FER1L6: variants seen among roughly 807,000 people sequenced by gnomAD.
FER1L6 encodes fer-1-like protein 6.
FER1L6 carries 177 observed loss-of-function variants against 219.2 expected under a neutral mutation model. The observed-to-expected ratio is 0.81, with a 90% CI of 0.71 to 0.91. The LOEUF (loss-of-function observed/expected upper bound fraction) is 0.91, where lower values mean the gene tolerates loss of function less well. Ranked by LOEUF, FER1L6 falls within the 40% of genes least tolerant of loss-of-function variation. The pLI, the probability that FER1L6 is intolerant of heterozygous loss-of-function variation, is 0.00. For missense variants in FER1L6, 2,153 were observed against 2,259.9 expected (o/e 0.95, Z 0.96); for synonymous variants, 768 against 824.3 (o/e 0.93, Z 1.17).
intron 12 of FER1L6, among the ~76,000 whole-genome samples, chr8:123,998,746 C>T (rs1817264031): frequency 6.6e-6 from 1 of 152,166 alleles, no homozygotes; most frequent in African/African-American, 2.4e-5. Flanking sequence ...TTCTATTCTA[C>T]TGCGGCTGAG....
chr8:123,971,163 G>T (rs561770377), intron 6 of FER1L6, among the ~76,000 whole-genome samples: 1 of 152,292 alleles, frequency 6.6e-6, no homozygotes, highest in African/African-American at 2.4e-5. Flanking sequence ...TATCTAAACA[G>T]ATATATAAAA....
Position 123,913,925 on chromosome 8 carries a change from T to A in FER1L6, c.-7-42067T>A, listed in dbSNP as rs75603679. Among the ~76,000 whole-genome samples the A allele has an allele frequency of 8.7e-3, 1,328 of 152,290 alleles. 20 individuals are homozygous for A. Among genetic ancestry groups the A allele is most frequent in the African/African-American group, 0.03 (1,256 of 41,556 alleles). ...AATGAACACACACTAAACATTCTGT[T>A]AACATGAGAAAGGTCTGGATACATC... On this transcript the variant is annotated intron_variant, in intron 1 of 40. Transcript: ENST00000522917.
chr8:123,931,617 A>T (rs4590427), intron 1 of FER1L6, among the ~76,000 whole-genome samples: 59,415 of 152,084 alleles, frequency 0.39, 12,245 homozygotes, highest in South Asian at 0.52. Flanking sequence ...AAGACAATGT[A>T]TTTTTGTTTG....
intron 15 of FER1L6, among the ~76,000 whole-genome samples, chr8:124,015,411 G>A (rs548948921): frequency 8.8e-4 from 134 of 151,814 alleles, no homozygotes; most frequent in Non-Finnish European, 1.5e-3. Flanking sequence ...AATGGAAAAG[G>A]AGTGGAAATT....
At chr8:123,908,337 T>C (rs983017693) in intron 1 of FER1L6, among the ~76,000 whole-genome samples, 4 of 152,234 alleles carry the variant, frequency 2.6e-5, no homozygotes, top group Non-Finnish European at 4.4e-5. Context: ...TCTTACAAGA[T>C]ACTCTGCAAT....
intron 1 of FER1L6, among the ~76,000 whole-genome samples, chr8:123,949,912 A>G (rs1232243615): frequency 2.0e-5 from 3 of 152,238 alleles, no homozygotes; most frequent in Admixed American, 2.0e-4. Flanking sequence ...GAAAGCCTAA[A>G]AAAGATAGGA....
intron 20 of FER1L6, among the ~76,000 whole-genome samples, 194 bp downstream of exon 20, chr8:124,040,200 A>G (rs1264906206): frequency 1.3e-5 from 2 of 152,188 alleles, no homozygotes; most frequent in African/African-American, 4.8e-5. Flanking sequence ...AGTGTGATTC[A>G]TTGTCCTAGG....
intron 10 of FER1L6, among the ~76,000 whole-genome samples, chr8:123,979,176 G>A (rs1007683960): frequency 2.6e-5 from 4 of 152,116 alleles, no homozygotes; most frequent in Non-Finnish European, 5.9e-5. Flanking sequence ...GTCAACACTG[G>A]GGGATTGTTA....
At chr8:124,005,905 G>C (rs1177391061) in intron 13 of FER1L6, among the ~76,000 whole-genome samples, 1 of 152,176 alleles carries the variant, frequency 6.6e-6, no homozygotes, top group African/African-American at 2.4e-5. Context: ...AGTCTTAGCT[G>C]TTTGTCCTCT....
At chr8:124,031,185 A>C (rs983942029) in intron 18 of FER1L6, among the ~76,000 whole-genome samples, 1 of 152,072 alleles carries the variant, frequency 6.6e-6, no homozygotes, top group African/African-American at 2.4e-5. Context: ...TGGCCCTCTG[A>C]AGCTTCGCTG....
At chr8:124,091,676 A>C (rs964758775) in intron 34 of FER1L6, 93 bp downstream of exon 34, 12 of 1,373,208 alleles carry the variant, frequency 8.7e-6, no homozygotes, top group South Asian at 7.9e-5. Context: ...CTAATTATAA[A>C]AGTAATGTGG....
intron 15 of FER1L6, among the ~76,000 whole-genome samples, chr8:124,014,849 G>A (rs1818109341): frequency 6.6e-6 from 1 of 152,182 alleles, no homozygotes; most frequent in Non-Finnish European, 1.5e-5. Flanking sequence ...CACTGTTTCT[G>A]TGGGTCAGGG....
At chr8:123,871,624 A>T (rs1390835955) in intron 1 of FER1L6, among the ~76,000 whole-genome samples, 2 of 152,242 alleles carry the variant, frequency 1.3e-5, no homozygotes, top group Admixed American at 1.3e-4. Context: ...AAGTAAATAG[A>T]ATAGATAAAT....
At chr8:123,937,352 G>C (rs775015018) in intron 1 of FER1L6, among the ~76,000 whole-genome samples, 3 of 152,192 alleles carry the variant, frequency 2.0e-5, no homozygotes, top group Non-Finnish European at 4.4e-5. Flanking sequence ...TATCTAGCTA[G>C]ATATTATCAT....
chr8:124,079,573 G>GTTT (rs1226087661), intron 32 of FER1L6, among the ~76,000 whole-genome samples: 3 of 152,154 alleles, frequency 2.0e-5, no homozygotes, highest in Non-Finnish European at 4.4e-5. Context: ...GATTGCAAAT[G>GTTT]TTTTTTTCTT....
chr8:124,049,011 C>T (rs1311942763), intron 21 of FER1L6, among the ~76,000 whole-genome samples: 7 of 151,914 alleles, frequency 4.6e-5, no homozygotes, highest in Non-Finnish European at 1.0e-4. Context: ...AGCTTTGGGC[C>T]AGAAAGCCCC....
At chr8:124,013,384 T>C (rs1291061659) in intron 14 of FER1L6, 47 bp from the exon 15 acceptor site, 2 of 1,171,902 alleles carry the variant, frequency 1.7e-6, no homozygotes, top group East Asian at 2.5e-5. Context: ...CTACTACCAA[T>C]CTCATTACCA....
At chr8:123,913,252 T>C (rs558430963) in intron 1 of FER1L6, among the ~76,000 whole-genome samples, 1 of 138,644 alleles carries the variant, frequency 7.2e-6, no homozygotes, top group Non-Finnish European at 1.6e-5. Flanking sequence ...TAAATACAAA[T>C]GGGGTTAGTT....
At chr8:124,009,075 A>T (rs1416287897) in intron 13 of FER1L6, among the ~76,000 whole-genome samples, 1 of 151,856 alleles carries the variant, frequency 6.6e-6, no homozygotes, top group East Asian at 1.9e-4. Flanking sequence ...ACACTTCTAC[A>T]CTGCTGTTGG....
Sources: allele counts gnomAD v4.1 joint callset (sites outside exome capture counted in the v4.1 genomes callset), GRCh38; gene constraint gnomAD v4.1.1; transcripts MANE v1.5; gene names NCBI Gene and HGNC (gene_info 2026-07-23, HGNC 2026-07-21).